PDE6A: variants seen among roughly 807,000 people sequenced by gnomAD.
The protein encoded by PDE6A is rod cGMP-specific 3',5'-cyclic phosphodiesterase subunit alpha.
Under a neutral mutation model 106.3 loss-of-function variants are expected in PDE6A, and 84 were observed. The ratio of observed to expected loss-of-function variants is 0.79; its 90% CI spans 0.66 to 0.95. The LOEUF (loss-of-function observed/expected upper bound fraction) is 0.95, where lower values mean the gene tolerates loss of function less well. PDE6A is among the 40% of genes least tolerant of loss of function. PDE6A has a pLI of 0.00. For synonymous variants in PDE6A, 394 were observed against 386.6 expected, an observed-to-expected ratio of 1.02 and a Z score of -0.23; for missense variants, 1,052 against 1,084.9, an observed-to-expected ratio of 0.97 and a Z score of 0.43.
At chr5:149,940,881 A>G (rs572115732) in intron 1 of PDE6A, among the ~76,000 whole-genome samples, 1 of 152,282 alleles carries the variant, frequency 6.6e-6, no homozygotes, top group South Asian at 2.1e-4. Flanking sequence ...TTCCTTGTCT[A>G]TTAAATAAGG....
intron 17 of PDE6A, among the ~76,000 whole-genome samples, chr5:149,870,785 A>C (rs1487030170): frequency 6.6e-6 from 1 of 151,614 alleles, no homozygotes; most frequent in Non-Finnish European, 1.5e-5. Flanking sequence ...AAAAAAAAAA[A>C]AAAAAAACTG....
At position 149,860,984 on chromosome 5, in the gene PDE6A, A is replaced by C; in HGVS notation, c.2507-13T>G. ...TTTCCTGCGGCTGCTGCAATGAAAC[A>C]GGAAAAAGAACACACCAGGTGACAA... On this transcript the variant is annotated splice_polypyrimidine_tract_variant and intron_variant, in intron 21 of 21. Coordinates refer to ENST00000255266, the MANE Select transcript of PDE6A (RefSeq NM_000440.3). 6.2e-7 allele frequency: 1 copy of C among 1,613,184 alleles called. No individual in the cohort carries two copies. Among genetic ancestry groups the C allele is most frequent in the Non-Finnish European group, 8.5e-7 (1 of 1,179,386 alleles).
intron 12 of PDE6A, among the ~76,000 whole-genome samples, chr5:149,895,969 C>T (rs1414499155): frequency 6.6e-6 from 1 of 152,208 alleles, no homozygotes; most frequent in Non-Finnish European, 1.5e-5. Context: ...CTGCCGTCCC[C>T]CATGACCCTA....
chr5:149,929,353 T>A (rs1306054611), intron 4 of PDE6A, among the ~76,000 whole-genome samples: 1 of 152,162 alleles, frequency 6.6e-6, no homozygotes, highest in African/African-American at 2.4e-5. Context: ...ACGCCTGTAA[T>A]CCCAGCACTT....
Position 149,913,683 on chromosome 5 carries a change from G to A in PDE6A, c.998+1260C>T, listed in dbSNP as rs62380661. 8.7e-3 allele frequency among the ~76,000 whole-genome samples: 1,324 copies of A among 152,196 alleles called. 9 individuals are homozygous for A. The highest frequency in any genetic ancestry group is 0.015 in the Non-Finnish European group (1,015 of 68,014). Reference sequence around the variant, plus strand: ...AAGACTAAAGGTGTGGCTCTCCCACGAACCGAATTACAGCCTCAAGGCCTC... The same window carrying A: ...AAGACTAAAGGTGTGGCTCTCCCACAAACCGAATTACAGCCTCAAGGCCTC... On this transcript the variant is annotated intron_variant, in intron 6 of 21. Transcript: ENST00000255266.
At chr5:149,924,834 C>T (rs1229540974) in intron 4 of PDE6A, among the ~76,000 whole-genome samples, 1 of 152,212 alleles carries the variant, frequency 6.6e-6, no homozygotes, top group African/African-American at 2.4e-5. Context: ...ACCAAAGATG[C>T]TGTGAGCAGC....
At chr5:149,871,477 T>C (rs779003691) in intron 17 of PDE6A, among the ~76,000 whole-genome samples, 11 of 151,628 alleles carry the variant, frequency 7.3e-5, no homozygotes, top group Non-Finnish European at 1.6e-4. Flanking sequence ...CTGATAACTG[T>C]AGGATGTGTA....
chr5:149,884,198 A>AT lies in PDE6A; in HGVS notation c.2027+280_2027+281insA, dbSNP rs200297389. Among the ~76,000 whole-genome samples, 406 of 143,706 alleles carry AT rather than the reference A, an allele frequency of 2.8e-3. 6 individuals carry two copies. Among genetic ancestry groups the AT allele is most frequent in the Middle Eastern group, 3.6e-3 (1 of 280 alleles). The allele number at this position is 143,706 out of a possible 152,430, so 94.3% of individuals were successfully genotyped here. On this transcript the variant is annotated intron_variant, in intron 16 of 21. Coordinates refer to ENST00000255266, the MANE Select transcript of PDE6A (RefSeq NM_000440.3). ...TCCTGTCTCAAAAAAGAAAAAAAAA[A>AT]AATATATATATATATATACACACAC...
intron 17 of PDE6A, among the ~76,000 whole-genome samples, chr5:149,874,868 C>CCA: frequency 6.6e-6 from 1 of 152,284 alleles, no homozygotes; most frequent in Middle Eastern, 3.4e-3. Context: ...GCACCGAACA[C>CCA]CACTACCTGC....
rs1196406840 is a variant in PDE6A at position 149,872,075 on chromosome 5, G to A, written c.2136-3917C>T. On this transcript the variant is annotated intron_variant, in intron 17 of 21. Coordinates refer to ENST00000255266, the MANE Select transcript of PDE6A (RefSeq NM_000440.3). ...TGTGAACCTTATGCTCTCAGTAGACGAACTGTCAAGAGGAGGGGATGGAGT... is the reference window on the plus strand; with the variant it reads ...TGTGAACCTTATGCTCTCAGTAGACAAACTGTCAAGAGGAGGGGATGGAGT... Among the ~76,000 whole-genome samples, 3 of 152,104 alleles carry A rather than the reference G, an allele frequency of 2.0e-5. No individual in the cohort carries two copies. In the South Asian group the frequency reaches 6.2e-4, roughly 32 times the overall value.
At chr5:149,865,973 C>T (rs1281308019) in intron 20 of PDE6A, among the ~76,000 whole-genome samples, 197 bp downstream of exon 20, 2 of 152,174 alleles carry the variant, frequency 1.3e-5, no homozygotes, top group East Asian at 3.8e-4. Context: ...TAGGATGTAC[C>T]GTACGCTGGA....
chr5:149,867,845 C>A, intron 18 of PDE6A, 46 bp from the exon 19 acceptor site: 1 of 1,556,862 alleles, frequency 6.4e-7, no homozygotes, highest in East Asian at 2.2e-5. Context: ...AGCCCCAGCC[C>A]AATCCCCTAC....
At chr5:149,934,476 G>A in intron 2 of PDE6A, 90 bp downstream of exon 2, 1 of 1,297,586 alleles carries the variant, frequency 7.7e-7, no homozygotes, top group East Asian at 2.3e-5. Context: ...TGGGAAAACT[G>A]AGGCCAGGTC....
At position 149,933,122 on chromosome 5, in the gene PDE6A, A is replaced by C. The variant is rs952985928; in HGVS notation, c.717+808T>G. ...ATTCTCCCATCTCAGCCTCCCCAGC[A>C]GCTGGGACTACAGGTGGACGCCACT... is the stretch of plus-strand genomic sequence containing the variant. On this transcript the variant is annotated intron_variant, in intron 3 of 21. Coordinates refer to ENST00000255266, the MANE Select transcript of PDE6A (RefSeq NM_000440.3). Among the ~76,000 whole-genome samples the C allele has an allele frequency of 3.5e-4, 54 of 152,144 alleles. 1 individual carries two copies. Among genetic ancestry groups the C allele is most frequent in the Admixed American group, 3.4e-3 (52 of 15,270 alleles).
intron 1 of PDE6A, among the ~76,000 whole-genome samples, chr5:149,939,123 C>T (rs1014144304): frequency 2.0e-5 from 3 of 152,172 alleles, no homozygotes; most frequent in Non-Finnish European, 2.9e-5. Flanking sequence ...GAAGTAAACA[C>T]GTGCAAATAC....
At chr5:149,878,476 A>C (rs1291905713) in intron 17 of PDE6A, among the ~76,000 whole-genome samples, 1 of 152,190 alleles carries the variant, frequency 6.6e-6, no homozygotes, top group Non-Finnish European at 1.5e-5. Flanking sequence ...TGCTGCAACA[A>C]ACAATTCTGT....
At chr5:149,866,971 A>C (rs1351637237) in intron 19 of PDE6A, 1 of 154,434 alleles carries the variant, frequency 6.5e-6, no homozygotes, top group Non-Finnish European at 1.4e-5. Flanking sequence ...GAGAACGACA[A>C]AGCCCATGGG....
chr5:149,875,876 T>C (rs1191119335), intron 17 of PDE6A, among the ~76,000 whole-genome samples: 1 of 152,200 alleles, frequency 6.6e-6, no homozygotes, highest in East Asian at 1.9e-4. Context: ...GTCTAGAGTT[T>C]TACATCTTTC....
intron 4 of PDE6A, among the ~76,000 whole-genome samples, chr5:149,928,421 A>G (rs960190927): frequency 1.3e-5 from 2 of 150,728 alleles, no homozygotes; most frequent in Non-Finnish European, 3.0e-5. Flanking sequence ...TATTTTTAGT[A>G]GAGACGGGGT....
Sources: allele counts gnomAD v4.1 joint callset (sites outside exome capture counted in the v4.1 genomes callset), GRCh38; gene constraint gnomAD v4.1.1; transcripts MANE v1.5; gene names NCBI Gene and HGNC (gene_info 2026-07-23, HGNC 2026-07-21).